The following SFT2D1 variants were observed in gnomAD, a reference collection of about 807,000 sequenced individuals.
SFT2D1 encodes the protein vesicle transport protein SFT2A.
A neutral mutation model predicts 28.1 loss-of-function variants in SFT2D1; 24 were observed. That is an observed-to-expected ratio of 0.85 (90% CI 0.62 to 1.20). SFT2D1 has a LOEUF of 1.20. Ranked by LOEUF, SFT2D1 falls within the 50% of genes most tolerant of loss-of-function variation. The pLI, the probability that SFT2D1 is intolerant of heterozygous loss-of-function variation, is 0.00. For synonymous variants in SFT2D1, 82 were observed against 73.7 expected (o/e 1.11, Z -0.58); for missense variants, 181 against 190.9 (o/e 0.95, Z 0.31).
At chr6:166,323,491 C>T (rs1778392133) in intron 6 of SFT2D1, 1 of 152,226 alleles carries the variant, frequency 6.6e-6, no homozygotes, top group South Asian at 2.1e-4. Flanking sequence ...AATTAGGAAG[C>T]AAGAGCTGCT....
At chr6:166,338,160 G>A (rs535132242) in intron 1 of SFT2D1, among the ~76,000 whole-genome samples, 2 of 152,262 alleles carry the variant, frequency 1.3e-5, no homozygotes, top group African/African-American at 4.8e-5. Context: ...AAGACATCTC[G>A]CAAATTGTCA....
chr6:166,320,463 C>T (rs1183352333), intron 7 of SFT2D1, among the ~76,000 whole-genome samples: 1 of 152,136 alleles, frequency 6.6e-6, no homozygotes, highest in Non-Finnish European at 1.5e-5. Flanking sequence ...TGGTATTTAT[C>T]TTAAGAAATT....
At position 166,342,416 on chromosome 6, in the gene SFT2D1, T is replaced by C. The variant is rs1485711301; in HGVS notation, c.63+3A>G. On this transcript the variant is annotated splice_donor_region_variant and intron_variant, in intron 1 of 7. Coordinates refer to ENST00000361731, the MANE Select transcript of SFT2D1 (RefSeq NM_145169.3). ...GGACTGGACGAGGGCGCAAGTTCGC[T>C]ACCTGCGCAGTCAGGCCCTGCTCCT... 1 of 1,554,906 alleles carries C rather than the reference T, an allele frequency of 6.4e-7. No homozygotes were observed. Among genetic ancestry groups the C allele is most frequent in the South Asian group, 1.2e-5 (1 of 84,386 alleles).
intron 1 of SFT2D1, among the ~76,000 whole-genome samples, chr6:166,341,791 G>A (rs1012038368): frequency 6.6e-6 from 1 of 150,750 alleles, no homozygotes; most frequent in African/African-American, 2.4e-5. Context: ...CCCTTATCAA[G>A]TCTCGCTGGT....
At chr6:166,336,979 G>T (rs1386884060) in intron 1 of SFT2D1, among the ~76,000 whole-genome samples, 1 of 152,154 alleles carries the variant, frequency 6.6e-6, no homozygotes, top group African/African-American at 2.4e-5. Flanking sequence ...GGAATTCTGG[G>T]GGGGACACAG....
chr6:166,322,635 GAGC>G (rs1778377064), intron 7 of SFT2D1, among the ~76,000 whole-genome samples: 1 of 144,090 alleles, frequency 6.9e-6, no homozygotes, highest in African/African-American at 2.6e-5. Context: ...AGATTACAGT[GAGC>G]CGAGATGGTG....
rs1778322806 is a variant in SFT2D1 at position 166,320,144 on chromosome 6, T to G, written c.*73A>C. ...CACGTCAGTTGTTCCTGGAGTGTTT[T>G]ATGGGGAAAAGCAAACTTCACCAAA... On this transcript the variant is annotated 3_prime_UTR_variant, in exon 8 of 8. Coordinates refer to ENST00000361731, the MANE Select transcript of SFT2D1 (RefSeq NM_145169.3). 8.2e-6 allele frequency: 12 copies of G among 1,460,866 alleles called. No homozygotes were observed. Among genetic ancestry groups the G allele is most frequent in the Non-Finnish European group, 1.1e-5 (11 of 1,047,512 alleles). The allele number at this position is 1,460,866 out of a possible 1,614,324, so 90.5% of individuals were successfully genotyped here. A position where few individuals can be genotyped will look rare whatever the true frequency, so the allele number is the denominator to read the frequency against.
intron 6 of SFT2D1, 188 bp from the exon 7 acceptor site, chr6:166,323,074 T>C (rs1273473278): frequency 9.9e-6 from 5 of 506,190 alleles, no homozygotes; most frequent in Non-Finnish European, 1.4e-5. Flanking sequence ...TATTAGGTCC[T>C]ACCTTAAACC....
At chr6:166,321,259 A>AC (rs1299315454) in intron 7 of SFT2D1, among the ~76,000 whole-genome samples, 3 of 152,326 alleles carry the variant, frequency 2.0e-5, no homozygotes, top group Non-Finnish European at 4.4e-5. Context: ...AAAAGCTTTT[A>AC]CCTAGGCCAT....
In SFT2D1 at chr6:166,330,215, G is replaced by A. The variant is rs1778525118; in HGVS notation, c.96C>T (p.Thr32=). The A allele has an allele frequency of 1.2e-6, 2 of 1,605,498 alleles. No individual in the cohort carries two copies. Among genetic ancestry groups the A allele is most frequent in the Admixed American group, 3.5e-5 (2 of 57,582 alleles). ...AGCAGATGGCAAACCATTTCAATCT[G>A]GTGTTGAAACTAAGGGATGAGGCAT... ...VLDASSLSFN[T]RLKWFAICFV... Residue 32 remains threonine, a synonymous_variant, in exon 2 of 8, where the codon ACC becomes ACT. Coordinates refer to ENST00000361731, the MANE Select transcript of SFT2D1 (RefSeq NM_145169.3).
intron 1 of SFT2D1, among the ~76,000 whole-genome samples, chr6:166,332,813 G>C (rs142442146): frequency 1.3e-3 from 202 of 152,328 alleles, no homozygotes; most frequent in Non-Finnish European, 2.3e-3. Context: ...CTTGCAACTA[G>C]AACTTCATTC....
In SFT2D1 at chr6:166,330,206, T is replaced by G. The variant is rs1274513177; in HGVS notation, c.105A>C (p.Lys35Asn). The G allele has an allele frequency of 6.2e-7, 1 of 1,607,494 alleles. No homozygotes were observed. Among genetic ancestry groups the G allele is most frequent in the Non-Finnish European group, 8.5e-7 (1 of 1,178,026 alleles). The change falls in exon 2 of 8, where the codon AAA becomes AAC. Residue 35 changes from lysine (K) to asparagine (N), a missense_variant. By Grantham distance (94) the Lys-to-Asn change is moderately conservative. Coordinates refer to ENST00000361731, the MANE Select transcript of SFT2D1 (RefSeq NM_145169.3). ...CACATACGAAGCAGATGGCAAACCA[T>G]TTCAATCTGGTGTTGAAACTAAGGG... is the stretch of plus-strand genomic sequence containing the variant. The part of the protein sequence containing the change: ...ASSLSFNTRL[K>N]WFAICFVCGV...
intron 1 of SFT2D1, among the ~76,000 whole-genome samples, chr6:166,333,166 A>C (rs1778582059): frequency 2.0e-5 from 3 of 152,162 alleles, no homozygotes; most frequent in African/African-American, 7.2e-5. Flanking sequence ...AAAGAAACAG[A>C]CATCCGCAGA....
chr6:166,324,468 G>T, intron 6 of SFT2D1, 69 bp downstream of exon 6: 1 of 1,477,312 alleles, frequency 6.8e-7, no homozygotes, highest in Non-Finnish European at 9.3e-7. Context: ...GGGCTTCACA[G>T]GTCCCAAACA....
At chr6:166,332,283 T>C (rs778893892) in intron 1 of SFT2D1, among the ~76,000 whole-genome samples, 20 of 152,190 alleles carry the variant, frequency 1.3e-4, no homozygotes, top group Non-Finnish European at 8.8e-5. Context: ...ACAAGCATTT[T>C]TTTGAGACAG....
At chr6:166,326,192 A>G (rs1490552816) in intron 4 of SFT2D1, 25 bp from the exon 5 acceptor site, 1 of 1,604,218 alleles carries the variant, frequency 6.2e-7, no homozygotes, top group Non-Finnish European at 8.5e-7. Flanking sequence ...AGAGTAGATT[A>G]TAAGTTTGAG....
rs1011165069 is a variant in SFT2D1, at chr6:166,319,880, T to G, written c.*337A>C. 30 of 178,720 alleles carry G rather than the reference T, an allele frequency of 1.7e-4. No individual in the cohort carries two copies. The highest frequency in any genetic ancestry group is 6.1e-4 in the African/African-American group (26 of 42,730). 11.1% of individuals were successfully genotyped at this position (178,720 alleles called of 1,614,324 possible). On this transcript the variant is annotated 3_prime_UTR_variant, in exon 8 of 8. Transcript: ENST00000361731. ...AGACATTTTTTAAAAGCAAAAAAGT[T>G]TAATTATCTTGCAGCACAGGTCTAC...
intron 5 of SFT2D1, chr6:166,325,916 T>G (rs1272388709): frequency 3.3e-6 from 2 of 599,306 alleles, no homozygotes; most frequent in Non-Finnish European, 6.0e-6. Context: ...TGTGTGCACA[T>G]GTGTGTTCAC....
At chr6:166,335,633 T>A (rs1435165105) in intron 1 of SFT2D1, among the ~76,000 whole-genome samples, 1 of 151,872 alleles carries the variant, frequency 6.6e-6, no homozygotes, top group African/African-American at 2.4e-5. Context: ...AGAACATAAA[T>A]AACTCCCACA....
Sources: allele counts gnomAD v4.1 joint callset (sites outside exome capture counted in the v4.1 genomes callset), GRCh38; gene constraint gnomAD v4.1.1; transcripts MANE v1.5; gene names NCBI Gene and HGNC (gene_info 2026-07-23, HGNC 2026-07-21).